Variants in XKR5 observed in about 807,000 individuals in gnomAD.
XKR5 encodes XK related 5.
A neutral mutation model predicts 40.8 loss-of-function variants in XKR5; 46 were observed. The ratio of observed to expected loss-of-function variants is 1.13; its 90% CI spans 0.89 to 1.44. The LOEUF is 1.44. Among genes scored for constraint, XKR5 ranks in the 40% most tolerant of loss-of-function variants. The pLI is 0.00. For missense variants in XKR5, 1,169 were observed against 844.7 expected (o/e 1.38, Z -4.76); for synonymous variants, 466 against 356.1 (o/e 1.31, Z -3.48).
Position 6,812,376 on chromosome 8 carries a change from T to G in XKR5, c.920-37A>C, listed in dbSNP as rs190124498. 470 of 1,497,860 alleles carry G rather than the reference T, an allele frequency of 3.1e-4. 1 individual carries two copies. The African/African-American group carries it at 6.1e-3, about 20-fold the overall frequency. 92.8% of individuals were successfully genotyped at this position (1,497,860 alleles called of 1,614,324 possible). ...CAAAAAGACCACAAGGTTATGTTCT[T>G]TGAAGTCTGCATCCTCCCTCTGGTG... On this transcript the variant is annotated intron_variant, in intron 6 of 6. Transcript: ENST00000618742.
intron 2 of XKR5, among the ~76,000 whole-genome samples, chr8:6,826,586 A>G (rs1330236412): frequency 6.6e-6 from 1 of 152,176 alleles, no homozygotes; most frequent in Non-Finnish European, 1.5e-5. Flanking sequence ...ACCGACGGAA[A>G]TAAGCCAGGT....
intron 1 of XKR5, among the ~76,000 whole-genome samples, chr8:6,833,316 G>C (rs1804858110): frequency 6.6e-6 from 1 of 152,348 alleles, no homozygotes; most frequent in Middle Eastern, 3.4e-3. Flanking sequence ...CCTGGTTCCT[G>C]TCTCCTGCCT....
chr8:6,812,442 A>C, intron 6 of XKR5, 103 bp from the exon 7 acceptor site: 1 of 1,253,054 alleles, frequency 8.0e-7, no homozygotes, highest in African/African-American at 1.5e-5. Context: ...GAGGAAGATA[A>C]TTTGGGATCC....
At chr8:6,825,539 C>T (rs562014091) in intron 2 of XKR5, among the ~76,000 whole-genome samples, 190 bp from the exon 3 acceptor site, 36 of 151,592 alleles carry the variant, frequency 2.4e-4, no homozygotes, top group Admixed American at 1.9e-3. Flanking sequence ...GTAAGTTCCC[C>T]GAGTCCTGTG....
In XKR5 at chr8:6,812,671, C is replaced by T. The variant is rs901129583; in HGVS notation, c.920-332G>A. Reference sequence around the variant, plus strand: ...ATGCATGTGTGTGTGCGTGTGTACACACAGGTACAAAATGTTTGGCAGAAA... The same window carrying T: ...ATGCATGTGTGTGTGCGTGTGTACATACAGGTACAAAATGTTTGGCAGAAA... On this transcript the variant is annotated intron_variant, in intron 6 of 6. Transcript: ENST00000618742. Among the ~76,000 whole-genome samples the T allele has an allele frequency of 6.6e-5, 10 of 152,132 alleles. No individual in the cohort carries two copies. In the East Asian group the frequency reaches 1.9e-3, roughly 29 times the overall value.
intron 6 of XKR5, among the ~76,000 whole-genome samples, chr8:6,814,148 A>G (rs1803857138): frequency 6.6e-6 from 1 of 152,190 alleles, no homozygotes; most frequent in Non-Finnish European, 1.5e-5. Context: ...GGGCAGCGCG[A>G]TGTCCTCAGT....
rs1803650062 is a variant in XKR5, at chr8:6,810,969, A to G, written c.*229T>C. On this transcript the variant is annotated 3_prime_UTR_variant, in exon 7 of 7. Transcript: ENST00000618742. ...GACTGGAATCTCTTTCTCCTCCTCTAAAGTATGTTAGAGTCTCTCCTATGC... is the reference window on the plus strand; with the variant it reads ...GACTGGAATCTCTTTCTCCTCCTCTGAAGTATGTTAGAGTCTCTCCTATGC... 4.9e-6 allele frequency: 2 copies of G among 408,978 alleles called. No individual in the cohort carries two copies. The highest frequency in any genetic ancestry group is 2.0e-5 in the African/African-American group (1 of 49,120). The allele number at this position is 408,978 out of a possible 1,614,324, so 25.3% of individuals were successfully genotyped here.
chr8:6,828,089 G>A (rs906768020), intron 2 of XKR5, among the ~76,000 whole-genome samples: 3 of 152,080 alleles, frequency 2.0e-5, no homozygotes, highest in Non-Finnish European at 4.4e-5. Context: ...GAAAAGGGGG[G>A]AAGTGAAATG....
At chr8:6,826,089 T>C (rs557755361) in intron 2 of XKR5, among the ~76,000 whole-genome samples, 1 of 152,326 alleles carries the variant, frequency 6.6e-6, no homozygotes, top group East Asian at 1.9e-4. Flanking sequence ...TATGTGTATG[T>C]GCATGTGCGT....
intron 1 of XKR5, 124 bp from the exon 2 acceptor site, chr8:6,833,024 G>T: frequency 2.2e-6 from 2 of 889,350 alleles, no homozygotes; most frequent in African/African-American, 1.8e-5. Context: ...AATCTTTCTG[G>T]CTGGGGAGTG....
At chr8:6,831,004 C>A (rs959825353) in intron 2 of XKR5, among the ~76,000 whole-genome samples, 1 of 152,192 alleles carries the variant, frequency 6.6e-6, no homozygotes, top group Non-Finnish European at 1.5e-5. Flanking sequence ...TCTAACCGTT[C>A]ATTACCCAGG....
At chr8:6,815,543 G>T (rs567197519) in intron 6 of XKR5, among the ~76,000 whole-genome samples, 2 of 152,190 alleles carry the variant, frequency 1.3e-5, no homozygotes, top group East Asian at 1.9e-4. Flanking sequence ...AGGAAGCTCC[G>T]GGGAGGACGG....
rs573854715 is a variant in XKR5 at position 6,811,089 on chromosome 8, C to T, written c.*109G>A. The T allele has an allele frequency of 9.2e-7, 1 of 1,091,354 alleles. No homozygotes were observed. Among genetic ancestry groups the T allele is most frequent in the Non-Finnish European group, 1.3e-6 (1 of 784,874 alleles). The allele number at this position is 1,091,354 out of a possible 1,614,324, so 67.6% of individuals were successfully genotyped here. The stretch of plus-strand genomic sequence containing the variant: ...GATGCAGATGGAGATTCAGAGGTGA[C>T]AGTGATGTGCCCAAGGACACAGGTG... On this transcript the variant is annotated 3_prime_UTR_variant, in exon 7 of 7. Coordinates refer to ENST00000618742, the MANE Select transcript of XKR5 (RefSeq NM_207411.5).
chr8:6,822,286 G>A (rs1804277010), intron 4 of XKR5, among the ~76,000 whole-genome samples: 2 of 152,198 alleles, frequency 1.3e-5, no homozygotes, highest in African/African-American at 4.8e-5. Flanking sequence ...AGAAAGAGTA[G>A]CTTCAATAAC....
At position 6,835,340 on chromosome 8, in the gene XKR5, G is replaced by C. The variant is rs1804964862; in HGVS notation, c.58+96C>G. Reference sequence around the variant, plus strand: ...GCAGTGCTGGGCGCAGGCTGGGGCAGTGCCCGCCCGGGCATAGGCAGCCTG... The same window carrying C: ...GCAGTGCTGGGCGCAGGCTGGGGCACTGCCCGCCCGGGCATAGGCAGCCTG... On this transcript the variant is annotated intron_variant, in intron 1 of 6. Coordinates refer to ENST00000618742, the MANE Select transcript of XKR5 (RefSeq NM_207411.5). The C allele has an allele frequency of 2.4e-6, 3 of 1,259,900 alleles. No homozygotes were observed. In the Middle Eastern group the frequency reaches 8.6e-4, roughly 361 times the overall value. The allele number at this position is 1,259,900 out of a possible 1,614,324, so 78.0% of individuals were successfully genotyped here.
rs1243972894 is a variant in XKR5, at chr8:6,810,119, A to G, written c.*1079T>C. The stretch of plus-strand genomic sequence containing the variant: ...CAGAGAGGCCCTGTCTCAACAAATA[A>G]ACAAATGAAATGAAACAAAACAAAA... On this transcript the variant is annotated 3_prime_UTR_variant, in exon 7 of 7. Transcript: ENST00000618742. 6.6e-6 allele frequency: 1 copy of G among 152,286 alleles called. No homozygotes were observed. The highest frequency in any genetic ancestry group is 1.5e-5 in the Non-Finnish European group (1 of 68,140). 9.4% of individuals were successfully genotyped at this position (152,286 alleles called of 1,614,324 possible). A position where few individuals can be genotyped will look rare whatever the true frequency, so the allele number is the denominator to read the frequency against.
At chr8:6,817,679 C>A (rs1341310533) in intron 5 of XKR5, among the ~76,000 whole-genome samples, 1 of 152,230 alleles carries the variant, frequency 6.6e-6, no homozygotes, top group Non-Finnish European at 1.5e-5. Flanking sequence ...GGACCCTGGA[C>A]TTCCTTTCCG....
intron 5 of XKR5, among the ~76,000 whole-genome samples, chr8:6,819,199 A>G (rs928898301): frequency 1.3e-5 from 2 of 152,180 alleles, no homozygotes; most frequent in African/African-American, 4.8e-5. Flanking sequence ...CCAGACAGGA[A>G]TTGCAGCTTC....
intron 6 of XKR5, among the ~76,000 whole-genome samples, chr8:6,814,776 C>T (rs905401256): frequency 1.4e-4 from 22 of 152,178 alleles, no homozygotes; most frequent in African/African-American, 4.8e-4. Flanking sequence ...CCCAGGGTGG[C>T]CTGTGGCTCT....
Sources: gnomAD v4.1 joint callset for allele counts (sites outside exome capture counted in the v4.1 genomes callset) on GRCh38, gnomAD v4.1.1 for gene constraint, MANE v1.5 for transcripts, NCBI Gene and HGNC (gene_info 2026-07-23, HGNC 2026-07-21) for gene names.